Variants in CDH13 observed in about 807,000 individuals in gnomAD.
CDH13 encodes the protein cadherin-13.
Under a neutral mutation model 63.8 loss-of-function variants are expected in CDH13, and 24 were observed. The observed-to-expected ratio is 0.38, with a 90% confidence interval of 0.27 to 0.53. CDH13 has a LOEUF of 0.53. Among genes scored for constraint, CDH13 ranks in the 20% least tolerant of loss-of-function variants. CDH13 has a pLI of 0.85. For missense variants in CDH13, 1,049 were observed against 903.1 expected (o/e 1.16, Z -2.07); for synonymous variants, 503 against 355.3 (o/e 1.42, Z -4.67).
At chr16:83,131,036 A>G (rs1279396055) in intron 4 of CDH13, among the ~76,000 whole-genome samples, 1 of 152,192 alleles carries the variant, frequency 6.6e-6, no homozygotes, top group Non-Finnish European at 1.5e-5. Context: ...TCTGTCTGCC[A>G]AGTAATTAGT....
intron 7 of CDH13, among the ~76,000 whole-genome samples, chr16:83,507,002 G>A (rs1269325730): frequency 1.3e-5 from 2 of 152,104 alleles, no homozygotes; most frequent in South Asian, 4.1e-4. Context: ...GTTTTTAGTT[G>A]CTTTAAAGCA....
chr16:83,120,224 C>T (rs1325706828), intron 3 of CDH13, among the ~76,000 whole-genome samples: 1 of 152,138 alleles, frequency 6.6e-6, no homozygotes. Flanking sequence ...ACAATTGTGC[C>T]ACTTGCCATA....
intron 1 of CDH13, among the ~76,000 whole-genome samples, chr16:82,818,443 A>G (rs1255368526): frequency 6.6e-6 from 1 of 152,212 alleles, no homozygotes; most frequent in Non-Finnish European, 1.5e-5. Flanking sequence ...TACTCACAGA[A>G]AACAGAAAAT....
intron 8 of CDH13, among the ~76,000 whole-genome samples, chr16:83,654,360 C>G (rs1024973161): frequency 6.6e-6 from 1 of 151,984 alleles, no homozygotes; most frequent in African/African-American, 2.4e-5. Context: ...GGGTATAGGC[C>G]ATAGTTAGGA....
rs533366346 is a variant in CDH13 at position 83,766,849 on chromosome 16, G to T, written c.1682-13119G>T. ...TCATGCTGTTCTCATGGTAATGAGT[G>T]AGTCTCACAAGAACTGACTGTTTTA... On this transcript the variant is annotated intron_variant, in intron 11 of 13. Transcript: ENST00000567109. Among the ~76,000 whole-genome samples the T allele has an allele frequency of 5.3e-5, 8 of 152,022 alleles. No homozygotes were observed. In the South Asian group the frequency reaches 1.7e-3, roughly 32 times the overall value.
rs533622879 is a variant in CDH13, at chr16:83,344,639, G to T, written c.637-223G>T. Reference sequence around the variant, plus strand: ...TCTTTGCCGATTTGATGAATTAATTGTAAATTTCCCAAGGGGGATCTAAAG... The same window carrying T: ...TCTTTGCCGATTTGATGAATTAATTTTAAATTTCCCAAGGGGGATCTAAAG... On this transcript the variant is annotated intron_variant, in intron 5 of 13. Coordinates refer to ENST00000567109, the MANE Select transcript of CDH13 (RefSeq NM_001257.5). 4.6e-5 allele frequency among the ~76,000 whole-genome samples: 7 copies of T among 152,232 alleles called. No individual in the cohort carries two copies. The East Asian group carries it at 1.4e-3, about 29-fold the overall frequency.
intron 6 of CDH13, among the ~76,000 whole-genome samples, chr16:83,389,388 C>T (rs1294116802): frequency 6.6e-6 from 1 of 152,236 alleles, no homozygotes; most frequent in South Asian, 2.1e-4. Context: ...TCTCAGTTAA[C>T]AATCTCTATC....
At chr16:83,371,907 A>G (rs1252026643) in intron 6 of CDH13, among the ~76,000 whole-genome samples, 1 of 152,228 alleles carries the variant, frequency 6.6e-6, no homozygotes, top group African/African-American at 2.4e-5. Flanking sequence ...TGTCCAGAAA[A>G]AAAATAGGTG....
At chr16:83,090,490 C>G (rs1001935073) in intron 3 of CDH13, among the ~76,000 whole-genome samples, 1 of 150,770 alleles carries the variant, frequency 6.6e-6, no homozygotes, top group Non-Finnish European at 1.5e-5. Flanking sequence ...GGGAGAATCG[C>G]TTGAACCCAG....
intron 1 of CDH13, among the ~76,000 whole-genome samples, chr16:82,688,399 G>A (rs1189529311): frequency 2.0e-5 from 3 of 152,224 alleles, no homozygotes; most frequent in Non-Finnish European, 4.4e-5. Context: ...AAGAAGCCAT[G>A]ATCACAGGCA....
intron 10 of CDH13, among the ~76,000 whole-genome samples, chr16:83,713,817 G>C (rs1908457668): frequency 6.6e-6 from 1 of 152,200 alleles, no homozygotes; most frequent in Non-Finnish European, 1.5e-5. Flanking sequence ...AGCCCTGCAT[G>C]TGCCGTCAGG....
chr16:83,348,770 C>G (rs1038593003), intron 6 of CDH13, among the ~76,000 whole-genome samples: 29 of 152,180 alleles, frequency 1.9e-4, no homozygotes, highest in African/African-American at 7.0e-4. Flanking sequence ...ATAACAGTAG[C>G]TACCTTAGAG....
intron 1 of CDH13, among the ~76,000 whole-genome samples, chr16:82,658,561 G>A (rs1013512739): frequency 2.0e-5 from 3 of 152,198 alleles, no homozygotes; most frequent in African/African-American, 7.2e-5. Flanking sequence ...TTGCTTATTA[G>A]CTGTATGAAC....
intron 3 of CDH13, among the ~76,000 whole-genome samples, chr16:83,103,551 A>C (rs761777600): frequency 6.6e-6 from 1 of 152,128 alleles, no homozygotes; most frequent in Non-Finnish European, 1.5e-5. Context: ...CGGCTAATTA[A>C]ACTTTTAATG....
chr16:83,012,419 G>A (rs548723074), intron 2 of CDH13, among the ~76,000 whole-genome samples: 7 of 147,440 alleles, frequency 4.7e-5, no homozygotes, highest in South Asian at 2.1e-4. Flanking sequence ...AAATAAAATC[G>A]CTATTTTCCT....
chr16:83,563,709 A>G (rs1192892664), intron 7 of CDH13, among the ~76,000 whole-genome samples: 1 of 152,106 alleles, frequency 6.6e-6, no homozygotes, highest in Non-Finnish European at 1.5e-5. Flanking sequence ...ACTGGACAAG[A>G]CTTCTTGAAA....
At chr16:82,713,654 C>A (rs977347132) in intron 1 of CDH13, among the ~76,000 whole-genome samples, 1 of 151,946 alleles carries the variant, frequency 6.6e-6, no homozygotes, top group African/African-American at 2.4e-5. Flanking sequence ...TCTAAGACTC[C>A]ATTAAAAAGC....
chr16:83,262,724 G>T (rs933232853), intron 5 of CDH13, among the ~76,000 whole-genome samples: 13 of 152,084 alleles, frequency 8.5e-5, no homozygotes, highest in African/African-American at 2.9e-4. Flanking sequence ...TCATGAGATG[G>T]GTTATAATAA....
intron 2 of CDH13, among the ~76,000 whole-genome samples, chr16:83,007,250 G>T (rs911264832): frequency 1.3e-5 from 2 of 152,142 alleles, no homozygotes; most frequent in Non-Finnish European, 2.9e-5. Flanking sequence ...TCATAGTGAT[G>T]TTATGTTCAT....
Sources: allele counts gnomAD v4.1 joint callset (sites outside exome capture counted in the v4.1 genomes callset), GRCh38; gene constraint gnomAD v4.1.1; transcripts MANE v1.5; gene names NCBI Gene and HGNC (gene_info 2026-07-23, HGNC 2026-07-21).